The following LYPD6B variants were observed in gnomAD, a reference collection of about 807,000 sequenced individuals.
LYPD6B encodes the protein LY6/PLAUR domain containing 6B.
A neutral mutation model predicts 22.8 loss-of-function variants in LYPD6B; 17 were observed. The ratio of observed to expected loss-of-function variants is 0.75; its 90% CI spans 0.51 to 1.12. The LOEUF is 1.12. Among genes scored for constraint, LYPD6B ranks in the 50% most tolerant of loss-of-function variants. The probability of loss-of-function intolerance (pLI) is 0.00; values close to 1 mark genes in which losing one functional copy is unlikely to be tolerated. For missense variants in LYPD6B, 221 were observed against 258.3 expected (o/e 0.86, Z 0.99); for synonymous variants, 106 against 91.6 (o/e 1.16, Z -0.90).
intron 2 of LYPD6B, among the ~76,000 whole-genome samples, chr2:149,153,504 C>T (rs1010127662): frequency 6.6e-6 from 1 of 152,022 alleles, no homozygotes; most frequent in Non-Finnish European, 1.5e-5. Flanking sequence ...TGGCTGGGCG[C>T]GGTGGCTCAT....
chr2:149,214,630 G>T lies in LYPD6B; in HGVS notation c.544G>T (p.Ala182Ser). 6.2e-7 allele frequency: 1 copy of T among 1,613,870 alleles called. No homozygotes were observed. The highest frequency in any genetic ancestry group is 8.5e-7 in the Non-Finnish European group (1 of 1,179,820). Reference sequence around the variant, plus strand: ...TAATGCAGTGTTTGCCGTAATGCACGCTCAGAGAACATCTGGCAGCAGTGC... The same window carrying T: ...TAATGCAGTGTTTGCCGTAATGCACTCTCAGAGAACATCTGGCAGCAGTGC... ...HTNAVFAVMH[A>S]QRTSGSSAPT... is the part of the protein sequence containing the mutation. Residue 182 changes from alanine (A) to serine (S), a missense_variant, in exon 7 of 7, where the codon GCT (alanine) becomes TCT (serine). Transcript: ENST00000409642.
At chr2:149,110,876 G>T (rs1490338111) in intron 1 of LYPD6B, among the ~76,000 whole-genome samples, 1 of 152,156 alleles carries the variant, frequency 6.6e-6, no homozygotes, top group Non-Finnish European at 1.5e-5. Context: ...AGTAAAAGGA[G>T]AGAACAATGG....
chr2:149,135,618 G>T (rs576482941), intron 2 of LYPD6B, among the ~76,000 whole-genome samples: 1 of 150,554 alleles, frequency 6.6e-6, no homozygotes, highest in East Asian at 2.0e-4. Flanking sequence ...TACTCAGGAG[G>T]CTGAGGCAGG....
chr2:149,054,106 A>G (rs147325896), intron 1 of LYPD6B, among the ~76,000 whole-genome samples: 2 of 152,328 alleles, frequency 1.3e-5, no homozygotes, highest in East Asian at 3.9e-4. Context: ...GTTCTCTTGC[A>G]TATACAATTA....
chr2:149,203,714 G>C (rs937085705), intron 3 of LYPD6B, among the ~76,000 whole-genome samples: 4 of 152,198 alleles, frequency 2.6e-5, no homozygotes, highest in Non-Finnish European at 5.9e-5. Context: ...TCACAAAAGT[G>C]GTTGCTGTTT....
At chr2:149,120,243 A>G (rs1229145668) in intron 1 of LYPD6B, among the ~76,000 whole-genome samples, 1 of 150,434 alleles carries the variant, frequency 6.6e-6, no homozygotes, top group East Asian at 1.9e-4. Context: ...TCTCCAATAT[A>G]GGATTTAGTT....
chr2:149,205,552 GGGTAAGCATAT>G (rs1693459476), intron 4 of LYPD6B, 148 bp downstream of exon 4: 1 of 885,580 alleles, frequency 1.1e-6, no homozygotes, highest in Admixed American at 2.5e-5. Context: ...TTACTTCTAT[GGGTAAGCATAT>G]GGTAAGTGAA....
chr2:149,188,605 C>A, intron 3 of LYPD6B: 1 of 516,582 alleles, frequency 1.9e-6, no homozygotes, highest in Non-Finnish European at 2.5e-6. Context: ...AATCACTCAA[C>A]ACCCAGTAAA....
intron 3 of LYPD6B, among the ~76,000 whole-genome samples, chr2:149,182,545 C>T (rs1014731839): frequency 1.5e-4 from 23 of 152,142 alleles, no homozygotes; most frequent in Admixed American, 1.3e-3. Context: ...TAAGAAGCAG[C>T]GTAAATAAGT....
chr2:149,136,479 T>A (rs1688380463), intron 2 of LYPD6B, among the ~76,000 whole-genome samples: 1 of 152,226 alleles, frequency 6.6e-6, no homozygotes, highest in African/African-American at 2.4e-5. Context: ...CATTCCCAGA[T>A]GGCAGTGGGT....
intron 3 of LYPD6B, among the ~76,000 whole-genome samples, chr2:149,182,987 A>C (rs1007707642): frequency 2.6e-5 from 4 of 152,244 alleles, no homozygotes; most frequent in African/African-American, 4.8e-5. Context: ...ATCACAGAGA[A>C]ATATACCATT....
chr2:149,204,090 C>A (rs1021005406), intron 3 of LYPD6B, among the ~76,000 whole-genome samples: 2 of 152,170 alleles, frequency 1.3e-5, no homozygotes, highest in African/African-American at 2.4e-5. Flanking sequence ...CTCTAGTATT[C>A]CAGTATTTTC....
rs1311462845 is a variant in LYPD6B, at chr2:149,068,796, C to T, written c.-67+29995C>T. ...TCAGAGAGGGAATGAAACAAAGGCT[C>T]GATCATTTTGCAAGGCCCACATCAT... On this transcript the variant is annotated intron_variant, in intron 1 of 6. Transcript: ENST00000409642. 34 of 468,790 alleles carry T rather than the reference C, an allele frequency of 7.3e-5. 1 individual carries two copies. The highest frequency in any genetic ancestry group is 4.0e-4 in the South Asian group (24 of 60,036). 29.0% of individuals were successfully genotyped at this position (468,790 alleles called of 1,614,324 possible). A position where few individuals can be genotyped will look rare whatever the true frequency, so the allele number is the denominator to read the frequency against.
chr2:149,105,832 C>T (rs1396902121), intron 1 of LYPD6B, among the ~76,000 whole-genome samples: 4 of 152,066 alleles, frequency 2.6e-5, no homozygotes, highest in Admixed American at 1.3e-4. Context: ...CTGTGCAATA[C>T]TGAACAGAAT....
intron 2 of LYPD6B, among the ~76,000 whole-genome samples, chr2:149,140,581 T>A (rs1380636866): frequency 6.6e-6 from 1 of 152,206 alleles, no homozygotes; most frequent in Non-Finnish European, 1.5e-5. Flanking sequence ...TGAGAGCCAA[T>A]GTCCCTCCCA....
At chr2:149,110,859 A>T (rs1052922770) in intron 1 of LYPD6B, among the ~76,000 whole-genome samples, 2 of 152,198 alleles carry the variant, frequency 1.3e-5, no homozygotes, top group African/African-American at 4.8e-5. Context: ...GAAGAAAAAT[A>T]AGGCAGAGTA....
intron 2 of LYPD6B, among the ~76,000 whole-genome samples, chr2:149,153,878 A>T (rs1042609686): frequency 1.3e-5 from 2 of 152,122 alleles, no homozygotes; most frequent in African/African-American, 4.8e-5. Flanking sequence ...GAGGACAGAC[A>T]TGATAACTTT....
chr2:149,203,932 T>G lies in LYPD6B; in HGVS notation c.78-1321T>G, dbSNP rs146199984. Among the ~76,000 whole-genome samples, 335 of 152,350 alleles carry G rather than the reference T, an allele frequency of 2.2e-3. 3 individuals carry two copies. Among genetic ancestry groups the G allele is most frequent in the Non-Finnish European group, 2.2e-3 (150 of 68,032 alleles). On this transcript the variant is annotated intron_variant, in intron 3 of 6. Transcript: ENST00000409642. ...GAGGGAAGAAAATTCCTAGAATCTA[T>G]GCATTATTGCTCTGGGTTCAAACAA...
chr2:149,163,212 G>A (rs1215026136), intron 3 of LYPD6B, among the ~76,000 whole-genome samples: 1 of 152,170 alleles, frequency 6.6e-6, no homozygotes, highest in African/African-American at 2.4e-5. Context: ...TTCATAACCT[G>A]AGGAGTTTCA....
Sources: allele counts gnomAD v4.1 joint callset (sites outside exome capture counted in the v4.1 genomes callset), GRCh38; gene constraint gnomAD v4.1.1; transcripts MANE v1.5; gene names NCBI Gene and HGNC (gene_info 2026-07-23, HGNC 2026-07-21).